TOR1AIP2: variants seen among roughly 807,000 people sequenced by gnomAD.
TOR1AIP2 encodes torsin-1A-interacting protein 2.
TOR1AIP2 carries 20 observed loss-of-function variants against 32.6 expected under a neutral mutation model. That is an observed-to-expected ratio of 0.61 (90% CI 0.43 to 0.89). The LOEUF (loss-of-function observed/expected upper bound fraction) is 0.89, where lower values mean the gene tolerates loss of function less well. Among genes scored for constraint, TOR1AIP2 ranks in the 40% least tolerant of loss-of-function variants. TOR1AIP2 has a pLI of 0.00. For missense variants in TOR1AIP2, 456 were observed against 553.8 expected (o/e 0.82, Z 1.77); for synonymous variants, 214 against 210.8 (o/e 1.02, Z -0.13).
intron 3 of TOR1AIP2, among the ~76,000 whole-genome samples, chr1:179,853,489 GTTC>G (rs984686310): frequency 1.3e-5 from 2 of 151,940 alleles, no homozygotes; most frequent in African/African-American, 4.8e-5. Flanking sequence ...ATATTTTATA[GTTC>G]TTTTTTTTGT....
chr1:179,864,104 G>T, intron 3 of TOR1AIP2: 1 of 985,436 alleles, frequency 1.0e-6, no homozygotes, highest in Non-Finnish European at 1.2e-6. Flanking sequence ...ACGTAAGTAT[G>T]GACAGGTGGC....
rs1453396896 is a variant in TOR1AIP2 at position 179,842,974 on chromosome 1, A to T, written c.*3097T>A. On this transcript the variant is annotated 3_prime_UTR_variant, in exon 7 of 7. Transcript: ENST00000609928. ...CGAGGCAGGAGAATGGCATGAACCC[A>T]GGAGGCGGAGCTTGCAGTGAGCCAA... The T allele has an allele frequency of 2.7e-5, 4 of 149,950 alleles. No individual in the cohort carries two copies. The East Asian group carries it at 7.9e-4, about 30-fold the overall frequency. 9.3% of individuals were successfully genotyped at this position (149,950 alleles called of 1,614,324 possible).
intron 2 of TOR1AIP2, among the ~76,000 whole-genome samples, chr1:179,870,435 A>C (rs1376404067): frequency 6.6e-6 from 1 of 151,806 alleles, no homozygotes; most frequent in African/African-American, 2.4e-5. Flanking sequence ...ACACATGTGC[A>C]TTTTTTTCCA....
intron 3 of TOR1AIP2, chr1:179,862,205 C>T (rs1696565244): frequency 1.0e-6 from 1 of 983,354 alleles, no homozygotes. Context: ...AAAACAAAAA[C>T]CTTTTCTCTA....
intron 3 of TOR1AIP2, 94 bp from the exon 4 acceptor site, chr1:179,852,905 G>A (rs952916110): frequency 6.3e-6 from 6 of 958,898 alleles, no homozygotes; most frequent in Non-Finnish European, 8.0e-6. Flanking sequence ...TGTAGCTTGA[G>A]TACTATTTCC....
In TOR1AIP2 at chr1:179,845,429, C is replaced by T. The variant is rs1306330991; in HGVS notation, c.*642G>A. On this transcript the variant is annotated 3_prime_UTR_variant, in exon 7 of 7. Transcript: ENST00000609928. ...CCCCACTGGTTCTCATTTTTAAGAA[C>T]ATTTGAGTACAGCTGCTTATACCTC... The T allele has an allele frequency of 6.6e-6, 1 of 152,188 alleles. No individual in the cohort carries two copies. Among genetic ancestry groups the T allele is most frequent in the Non-Finnish European group, 1.5e-5 (1 of 68,026 alleles). 9.4% of individuals were successfully genotyped at this position (152,188 alleles called of 1,614,324 possible). A position where few individuals can be genotyped will look rare whatever the true frequency, so the allele number is the denominator to read the frequency against.
intron 3 of TOR1AIP2, among the ~76,000 whole-genome samples, chr1:179,856,415 T>C (rs1696302931): frequency 6.6e-6 from 1 of 152,198 alleles, no homozygotes; most frequent in Non-Finnish European, 1.5e-5. Context: ...ACATACACCT[T>C]TCCTGTCACA....
At chr1:179,864,844 T>C in intron 3 of TOR1AIP2, 1 of 1,614,038 alleles carries the variant, frequency 6.2e-7, no homozygotes, top group South Asian at 1.1e-5. Flanking sequence ...TTAACTGTAA[T>C]GCAGGGTTAA....
chr1:179,852,582 C>A (rs1696156173), intron 4 of TOR1AIP2, 50 bp downstream of exon 4: 2 of 1,599,036 alleles, frequency 1.3e-6, no homozygotes, highest in African/African-American at 2.7e-5. Context: ...TCTCTGCACA[C>A]CCCTGGTTTC....
intron 5 of TOR1AIP2, among the ~76,000 whole-genome samples, chr1:179,849,499 C>T (rs998925569): frequency 6.6e-6 from 1 of 152,242 alleles, no homozygotes; most frequent in Admixed American, 6.5e-5. Flanking sequence ...GCTAGGATCA[C>T]AGGAGTGAGC....
chr1:179,860,625 A>C (rs531692539), intron 3 of TOR1AIP2: 2 of 985,314 alleles, frequency 2.0e-6, no homozygotes, highest in African/African-American at 1.7e-5. Context: ...CTTAAACCTC[A>C]CAACAGTATG....
At chr1:179,851,774 A>G (rs921979708) in intron 4 of TOR1AIP2, among the ~76,000 whole-genome samples, 1 of 152,178 alleles carries the variant, frequency 6.6e-6, no homozygotes, top group Non-Finnish European at 1.5e-5. Context: ...ACCCAAACAG[A>G]TATCATTTAC....
chr1:179,864,461 C>T, intron 3 of TOR1AIP2: 1 of 1,065,948 alleles, frequency 9.4e-7, no homozygotes, highest in Non-Finnish European at 1.1e-6. Context: ...TCTAGGACTA[C>T]TTTGTCATAT....
intron 3 of TOR1AIP2, chr1:179,864,988 A>C: frequency 6.2e-7 from 1 of 1,614,064 alleles, no homozygotes; most frequent in Non-Finnish European, 8.5e-7. Context: ...ACCAAGGAAG[A>C]ACAAGGCTTC....
At chr1:179,859,259 T>C (rs965131898) in intron 3 of TOR1AIP2, 1 of 863,824 alleles carries the variant, frequency 1.2e-6, no homozygotes, top group African/African-American at 1.8e-5. Flanking sequence ...ATTAACTCGT[T>C]TAATCTTCAC....
At chr1:179,861,802 A>G (rs1696543553) in intron 3 of TOR1AIP2, 1 of 984,542 alleles carries the variant, frequency 1.0e-6, no homozygotes, top group Non-Finnish European at 1.2e-6. Flanking sequence ...AGCATTTCTC[A>G]AAGTATGGTC....
chr1:179,843,151 G>A lies in TOR1AIP2; in HGVS notation c.*2920C>T, dbSNP rs964962645. The stretch of plus-strand genomic sequence containing the variant: ...GTACATTTATAAAATATGGTCTTAT[G>A]TTTAAAAATAGTCATTTTAGTCATG... On this transcript the variant is annotated 3_prime_UTR_variant, in exon 7 of 7. Coordinates refer to ENST00000609928, the MANE Select transcript of TOR1AIP2 (RefSeq NM_001199260.2). 2 of 151,406 alleles carry A rather than the reference G, an allele frequency of 1.3e-5. No homozygotes were observed. The highest frequency in any genetic ancestry group is 4.8e-5 in the African/African-American group (2 of 41,282). The allele number at this position is 151,406 out of a possible 1,614,324, so 9.4% of individuals were successfully genotyped here.
At chr1:179,847,440 G>T in intron 6 of TOR1AIP2, 95 bp downstream of exon 6, 1 of 847,374 alleles carries the variant, frequency 1.2e-6, no homozygotes, top group Non-Finnish European at 2.0e-6. Context: ...TAAACACAAT[G>T]TTAAAACTGT....
intron 2 of TOR1AIP2, chr1:179,876,216 A>T (rs1475652564): frequency 6.6e-6 from 1 of 152,236 alleles, no homozygotes; most frequent in Non-Finnish European, 1.5e-5. Flanking sequence ...CATGGAAATG[A>T]ATGGAATACA....
Sources: allele counts gnomAD v4.1 joint callset (sites outside exome capture counted in the v4.1 genomes callset), GRCh38; gene constraint gnomAD v4.1.1; transcripts MANE v1.5; gene names NCBI Gene and HGNC (gene_info 2026-07-23, HGNC 2026-07-21).